The following RALA variants were observed in gnomAD, a reference collection of about 807,000 sequenced individuals.
RALA encodes RAS like proto-oncogene A.
In RALA, 5 loss-of-function variants were observed where a neutral mutation model predicts 24.0. That is an observed-to-expected ratio of 0.21 (90% CI 0.11 to 0.44). The LOEUF (loss-of-function observed/expected upper bound fraction) is 0.44. RALA is among the 20% of genes least tolerant of loss of function. The pLI is 0.99. For synonymous variants in RALA, 77 were observed against 83.8 expected (o/e 0.92, Z 0.44); for missense variants, 95 against 241.2 (o/e 0.39, Z 4.01).
At chr7:39,699,061 AG>A (rs1295691371) in intron 4 of RALA, among the ~76,000 whole-genome samples, 1 of 151,104 alleles carries the variant, frequency 6.6e-6, no homozygotes, top group African/African-American at 2.4e-5. Context: ...TGTTGGTGGA[AG>A]GGCAGTTTTG....
intron 1 of RALA, among the ~76,000 whole-genome samples, chr7:39,670,815 A>T (rs1347659208): frequency 6.6e-6 from 1 of 152,174 alleles, no homozygotes; most frequent in Non-Finnish European, 1.5e-5. Context: ...GGCTGGGGTA[A>T]GAAAACTGCT....
intron 2 of RALA, among the ~76,000 whole-genome samples, chr7:39,687,999 C>T (rs1284273283): frequency 1.3e-5 from 2 of 152,088 alleles, no homozygotes; most frequent in Non-Finnish European, 2.9e-5. Context: ...GCGATCCTCC[C>T]ACCTTGGGCT....
chr7:39,654,255 G>A (rs149456311), intron 1 of RALA, among the ~76,000 whole-genome samples: 38 of 152,216 alleles, frequency 2.5e-4, no homozygotes, highest in African/African-American at 5.5e-4. Flanking sequence ...TAAATTGGTC[G>A]TCTTAGAAAT....
intron 1 of RALA, among the ~76,000 whole-genome samples, chr7:39,652,559 C>T (rs1157427016): frequency 6.6e-6 from 1 of 152,134 alleles, no homozygotes; most frequent in African/African-American, 2.4e-5. Flanking sequence ...TTGCTGTAAT[C>T]ATAGGAGTAA....
intron 1 of RALA, among the ~76,000 whole-genome samples, chr7:39,627,527 T>A (rs1391853593): frequency 6.6e-6 from 1 of 152,234 alleles, no homozygotes; most frequent in African/African-American, 2.4e-5. Flanking sequence ...TTGGTAATGT[T>A]ATTTTGGACA....
intron 4 of RALA, among the ~76,000 whole-genome samples, chr7:39,704,800 C>G (rs1281596963): frequency 6.6e-6 from 1 of 151,952 alleles, no homozygotes; most frequent in East Asian, 1.9e-4. Flanking sequence ...CTCAGCCTTC[C>G]CAGTAGCTGG....
chr7:39,631,276 G>A (rs1470855956), intron 1 of RALA, among the ~76,000 whole-genome samples: 1 of 152,174 alleles, frequency 6.6e-6, no homozygotes, highest in African/African-American at 2.4e-5. Flanking sequence ...CCAAAGCACT[G>A]GGATTACAGG....
At chr7:39,654,741 TTTTGTTTGTTTGTTTGTTTG>T (rs536439659) in intron 1 of RALA, among the ~76,000 whole-genome samples, 1 of 151,966 alleles carries the variant, frequency 6.6e-6, no homozygotes. Context: ...GAATCTAAAT[TTTTGTTTGTTTGTTTGTTTG>T]TTTGTTTGAG....
intron 1 of RALA, among the ~76,000 whole-genome samples, chr7:39,675,188 A>G (rs1434184238): frequency 1.3e-5 from 2 of 152,194 alleles, no homozygotes; most frequent in African/African-American, 4.8e-5. Context: ...GAATGCTTGC[A>G]TGAGAGAATC....
chr7:39,632,312 CT>C (rs1178262603), intron 1 of RALA, among the ~76,000 whole-genome samples: 1 of 152,014 alleles, frequency 6.6e-6, no homozygotes, highest in Non-Finnish European at 1.5e-5. Context: ...GTGTTTATGC[CT>C]TTAACTATTT....
chr7:39,701,047 T>C (rs557790956), intron 4 of RALA: 1 of 152,346 alleles, frequency 6.6e-6, no homozygotes, highest in African/African-American at 2.4e-5. Context: ...AATCCTTAAT[T>C]GTGTGAGGCG....
intron 1 of RALA, among the ~76,000 whole-genome samples, chr7:39,670,953 G>A (rs1792371670): frequency 6.6e-6 from 1 of 152,140 alleles, no homozygotes; most frequent in Non-Finnish European, 1.5e-5. Flanking sequence ...TCCCACAGAA[G>A]CTGCTTGTTT....
At chr7:39,675,149 A>G (rs183062921) in intron 1 of RALA, among the ~76,000 whole-genome samples, 61 of 152,246 alleles carry the variant, frequency 4.0e-4, no homozygotes, top group African/African-American at 1.4e-3. Flanking sequence ...CAAAGTTTGT[A>G]TATGTGGAAC....
At chr7:39,686,859 G>T in intron 2 of RALA, 78 bp downstream of exon 2, 3 of 1,093,436 alleles carry the variant, frequency 2.7e-6, no homozygotes, top group African/African-American at 1.6e-5. Flanking sequence ...GTGCTATTTT[G>T]TATGGATTGT....
chr7:39,680,573 C>G (rs76527357), intron 1 of RALA, among the ~76,000 whole-genome samples: 1 of 122,618 alleles, frequency 8.2e-6, no homozygotes, highest in Non-Finnish European at 1.8e-5. Context: ...GAGACTGTCT[C>G]AAAAAAAAAA....
chr7:39,689,854 G>A (rs551228892), intron 2 of RALA, among the ~76,000 whole-genome samples: 2 of 152,288 alleles, frequency 1.3e-5, no homozygotes, highest in South Asian at 4.1e-4. Context: ...TAAAGTTGTT[G>A]AATTGTACTA....
intron 1 of RALA, among the ~76,000 whole-genome samples, chr7:39,671,976 C>T (rs373689359): frequency 2.5e-4 from 38 of 152,092 alleles, no homozygotes; most frequent in African/African-American, 8.9e-4. Context: ...GACTTCCTTC[C>T]ATCTCTTTAT....
In RALA at chr7:39,623,703, C is replaced by T. The variant is rs948210566; in HGVS notation, c.-160C>T. ...CCAGGCTCCCCCGCCACCCGTCAGACTCCTCCTTCGACCGCTCCCGGCGCG... is the reference window on the plus strand; with the variant it reads ...CCAGGCTCCCCCGCCACCCGTCAGATTCCTCCTTCGACCGCTCCCGGCGCG... On this transcript the variant is annotated 5_prime_UTR_variant, in exon 1 of 5. Coordinates refer to ENST00000005257, the MANE Select transcript of RALA (RefSeq NM_005402.4). This position sits in a 1 kb window ranked among gnomAD's most constrained non-coding sequence, Gnocchi z 4.9. 3.9e-5 allele frequency: 6 copies of T among 155,132 alleles called. No individual in the cohort carries two copies. The highest frequency in any genetic ancestry group is 1.4e-4 in the African/African-American group (6 of 41,478). 9.6% of individuals were successfully genotyped at this position (155,132 alleles called of 1,614,324 possible).
chr7:39,695,279 A>G (rs532368779), intron 3 of RALA, among the ~76,000 whole-genome samples: 2 of 152,276 alleles, frequency 1.3e-5, no homozygotes, highest in South Asian at 2.1e-4. Flanking sequence ...CAGATAGCCT[A>G]TGCACATCCT....
Sources: allele counts gnomAD v4.1 joint callset (sites outside exome capture counted in the v4.1 genomes callset), GRCh38; gene constraint gnomAD v4.1.1; non-coding constraint Gnocchi (gnomAD v3.1); transcripts MANE v1.5; gene names NCBI Gene and HGNC (gene_info 2026-07-23, HGNC 2026-07-21).